The following PTER variants were observed in gnomAD, a reference collection of about 807,000 sequenced individuals.
PTER encodes phosphotriesterase related.
PTER carries 38 observed loss-of-function variants against 29.6 expected under a neutral mutation model. The observed-to-expected ratio is 1.28, with a 90% CI of 0.99 to 1.68. PTER has a LOEUF of 1.68. Ranked by LOEUF, PTER falls within the 40% of genes most tolerant of loss-of-function variation. The probability of loss-of-function intolerance (pLI) is 0.00; values close to 1 mark genes in which losing one functional copy is unlikely to be tolerated. For missense variants in PTER, 482 were observed against 427.8 expected (o/e 1.13, Z -1.12); for synonymous variants, 172 against 154.5 (o/e 1.11, Z -0.84).
intron 1 of PTER, among the ~76,000 whole-genome samples, chr10:16,469,514 A>G (rs201852528): frequency 1.3e-5 from 2 of 151,914 alleles, no homozygotes; most frequent in Non-Finnish European, 2.9e-5. Flanking sequence ...TGAAGGGGAA[A>G]AGGAATCAAA....
At chr10:16,514,709 TA>T (rs762420617), downstream of PTER, 3 of 1,604,566 alleles carry the variant, frequency 1.9e-6, no homozygotes, top group Non-Finnish European at 2.6e-6. Context: ...AGCACGCACC[TA>T]TGTGAAACAG....
chr10:16,457,312 A>C (rs547159044), intron 1 of PTER, among the ~76,000 whole-genome samples: 2 of 151,836 alleles, frequency 1.3e-5, no homozygotes, highest in Non-Finnish European at 2.9e-5. Context: ...TCCCGGGTTC[A>C]CGCCATTCTC....
At position 16,495,735 on chromosome 10, in the gene PTER, C is replaced by G. The variant is rs141898032; in HGVS notation, c.698+9118C>G. On this transcript the variant is annotated intron_variant, in intron 3 of 4. Transcript: ENST00000535784. ...CACTTGCCCAAGGAATTCACAGAGT[C>G]AAATGGCTGAGGAGTTACAATTAAA... Among the ~76,000 whole-genome samples the G allele has an allele frequency of 4.6e-3, 698 of 152,260 alleles. 5 individuals carry two copies. Among genetic ancestry groups the G allele is most frequent in the African/African-American group, 0.015 (639 of 41,542 alleles).
intron 1 of PTER, among the ~76,000 whole-genome samples, chr10:16,460,936 C>G (rs1272923250): frequency 6.6e-6 from 1 of 152,072 alleles, no homozygotes; most frequent in African/African-American, 2.4e-5. Flanking sequence ...AGGCTGGTCT[C>G]GAACTCCTGA....
At chr10:16,457,797 A>G (rs1199315411) in intron 1 of PTER, among the ~76,000 whole-genome samples, 2 of 151,446 alleles carry the variant, frequency 1.3e-5, no homozygotes, top group African/African-American at 2.4e-5. Context: ...TTTAGTAGAG[A>G]CGGGATTTCA....
intron 4 of PTER, among the ~76,000 whole-genome samples, chr10:16,508,503 T>C (rs971367786): frequency 1.3e-5 from 2 of 152,044 alleles, no homozygotes; most frequent in Non-Finnish European, 2.9e-5. Flanking sequence ...CCAGACCTTC[T>C]AGAACAAGAG....
chr10:16,493,242 C>T (rs546778907), intron 3 of PTER, among the ~76,000 whole-genome samples: 14 of 152,228 alleles, frequency 9.2e-5, no homozygotes, highest in African/African-American at 3.1e-4. Flanking sequence ...CGTGAATTAA[C>T]GGGAAGTCAT....
At chr10:16,443,841 G>A (rs1027858765) in intron 1 of PTER, among the ~76,000 whole-genome samples, 1 of 152,132 alleles carries the variant, frequency 6.6e-6, no homozygotes, top group Non-Finnish European at 1.5e-5. Flanking sequence ...AGGGCCAGAG[G>A]ATCGCTAGAG....
intron 1 of PTER, among the ~76,000 whole-genome samples, chr10:16,437,831 T>G (rs1457049265): frequency 6.6e-6 from 1 of 152,114 alleles, no homozygotes; most frequent in Non-Finnish European, 1.5e-5. Flanking sequence ...CCACAGCCAG[T>G]GTGCTGTTAC....
chr10:16,509,511 A>G (rs905482755), intron 4 of PTER, among the ~76,000 whole-genome samples: 6 of 152,202 alleles, frequency 3.9e-5, no homozygotes, highest in Admixed American at 1.3e-4. Flanking sequence ...ATAGGCAAAA[A>G]TTTTGGAAAA....
intron 1 of PTER, among the ~76,000 whole-genome samples, chr10:16,480,720 C>T (rs186718957): frequency 7.9e-5 from 12 of 152,240 alleles, no homozygotes; most frequent in Admixed American, 4.6e-4. Flanking sequence ...TCTACATAGA[C>T]GGAATCATCT....
At chr10:16,446,809 G>A (rs1834029883) in intron 1 of PTER, among the ~76,000 whole-genome samples, 3 of 151,724 alleles carry the variant, frequency 2.0e-5, no homozygotes, top group Admixed American at 6.6e-5. Context: ...GTTTTTTTGA[G>A]ACAGGGTCTC....
intron 1 of PTER, among the ~76,000 whole-genome samples, chr10:16,473,540 A>AC (rs1564395748): frequency 1.3e-5 from 2 of 151,136 alleles, no homozygotes; most frequent in African/African-American, 2.4e-5. Context: ...AAAAAAAAAA[A>AC]AAAAAAACAG....
chr10:16,491,972 A>G (rs1477408340), intron 3 of PTER, among the ~76,000 whole-genome samples: 1 of 152,094 alleles, frequency 6.6e-6, no homozygotes, highest in Non-Finnish European at 1.5e-5. Flanking sequence ...TCATTGTGAC[A>G]ACAACAACAA....
At chr10:16,506,122 C>G (rs1836553031) in intron 4 of PTER, among the ~76,000 whole-genome samples, 1 of 152,082 alleles carries the variant, frequency 6.6e-6, no homozygotes, top group African/African-American at 2.4e-5. Context: ...TGACAAATAT[C>G]AAGGGAAATA....
At chr10:16,467,185 A>G (rs1204639420) in intron 1 of PTER, among the ~76,000 whole-genome samples, 2 of 152,226 alleles carry the variant, frequency 1.3e-5, no homozygotes, top group East Asian at 3.8e-4. Flanking sequence ...AGACAGAAAG[A>G]GAGAGAGGAG....
intron 1 of PTER, among the ~76,000 whole-genome samples, chr10:16,456,869 G>GGGT (rs1021746094): frequency 6.7e-6 from 1 of 149,144 alleles, no homozygotes; most frequent in Non-Finnish European, 1.5e-5. Context: ...AGGTGGGGGG[G>GGGT]GGTTCCGCCA....
At chr10:16,516,741 G>A (rs571205548), downstream of PTER, among the ~76,000 whole-genome samples, 3 of 152,114 alleles carry the variant, frequency 2.0e-5, 1 homozygote, top group Admixed American at 6.5e-5. Flanking sequence ...CCGAGTGAAC[G>A]TCACCATTTT....
chr10:16,478,785 C>T (rs7919985), intron 1 of PTER, among the ~76,000 whole-genome samples: 49,548 of 151,976 alleles, frequency 0.33, 8,210 homozygotes, highest in Middle Eastern at 0.47. Context: ...CCAAGTTAAA[C>T]TGAAGAGTTA....
Sources: allele counts gnomAD v4.1 joint callset (sites outside exome capture counted in the v4.1 genomes callset), GRCh38; gene constraint gnomAD v4.1.1; transcripts MANE v1.5; gene names NCBI Gene and HGNC (gene_info 2026-07-23, HGNC 2026-07-21).